The following KLF4 variants were observed in gnomAD, a reference collection of about 807,000 sequenced individuals.
KLF4 encodes the protein KLF transcription factor 4, also known as Krueppel-like factor 4.
In KLF4, 14 loss-of-function variants were observed where a neutral mutation model predicts 38.0. The observed-to-expected ratio is 0.37, with a 90% CI of 0.24 to 0.58. The LOEUF (loss-of-function observed/expected upper bound fraction) is 0.58, where lower values mean the gene tolerates loss of function less well. Ranked by LOEUF, KLF4 falls within the 20% of genes least tolerant of loss-of-function variation. KLF4 has a pLI of 0.76. For synonymous variants in KLF4, 398 were observed against 302.5 expected (o/e 1.32, Z -3.28); for missense variants, 737 against 670.1 (o/e 1.10, Z -1.10).
In KLF4 at chr9:107,488,501, G is replaced by A; in HGVS notation, c.127-234C>T. 1.1e-5 allele frequency: 8 copies of A among 702,580 alleles called. No individual in the cohort carries two copies. The highest frequency in any genetic ancestry group is 4.2e-4 in the Middle Eastern group (1 of 2,374). The allele number at this position is 702,580 out of a possible 1,614,324, so 43.5% of individuals were successfully genotyped here. A position where few individuals can be genotyped will look rare whatever the true frequency, so the allele number is the denominator to read the frequency against. On this transcript the variant is annotated intron_variant, in intron 2 of 4. Coordinates refer to ENST00000374672, the MANE Select transcript of KLF4 (RefSeq NM_004235.6). The surrounding 1 kb of genome is among the most constrained non-coding windows in gnomAD (Gnocchi z 5.7). Reference sequence around the variant, plus strand: ...ATGTCCTGTCTGCCCAATTGCGTGTGAGCGAGCGCCGCGGCTGGTCCCTCC... The same window carrying A: ...ATGTCCTGTCTGCCCAATTGCGTGTAAGCGAGCGCCGCGGCTGGTCCCTCC...
In KLF4 at chr9:107,487,899, G is replaced by A; in HGVS notation, c.495C>T (p.Gly165=). The change falls in exon 3 of 5, where the codon GGC becomes GGT. Residue 165 remains glycine (G), a synonymous_variant. Transcript: ENST00000374672. This position sits in a 1 kb window ranked among gnomAD's most constrained non-coding sequence, Gnocchi z 6.1. The part of the protein sequence containing the change: ...RAGNDPGVAP[G]GTGGGLLYGR... ...CATAGAGGAGGCCTCCGCCCGTGCC[G>A]CCCGGCGCCACGCCCGGGTCGTTCC... 1.9e-6 allele frequency: 3 copies of A among 1,561,094 alleles called. No individual in the cohort carries two copies. The highest frequency in any genetic ancestry group is 2.6e-6 in the Non-Finnish European group (3 of 1,153,830).
In KLF4 at chr9:107,485,688, T is replaced by G; in HGVS notation, c.*63A>C. 1 of 1,448,440 alleles carries G rather than the reference T, an allele frequency of 6.9e-7. No homozygotes were observed. The highest frequency in any genetic ancestry group is 2.5e-5 in the East Asian group (1 of 39,826). The allele number at this position is 1,448,440 out of a possible 1,614,324, so 89.7% of individuals were successfully genotyped here. The stretch of plus-strand genomic sequence containing the variant: ...GCTCCTTCCCTCATCGGGAAGACAG[T>G]GTGAAAAGTAAAAAATACTGAATTC... On this transcript the variant is annotated 3_prime_UTR_variant, in exon 5 of 5. Transcript: ENST00000374672. This position sits in a 1 kb window ranked among gnomAD's most constrained non-coding sequence, Gnocchi z 4.9.
rs942157730 is a variant in KLF4, at chr9:107,489,143, T to A, written c.5+25A>T. The stretch of plus-strand genomic sequence containing the variant: ...CCCACCGGTCCTCACCCCTCCCTGC[T>A]CCCAGCGCCGCGCGCCTCACCTACC... On this transcript the variant is annotated intron_variant, in intron 1 of 4. Transcript: ENST00000374672. The A allele has an allele frequency of 1.2e-5, 19 of 1,535,652 alleles. No individual in the cohort carries two copies. The Admixed American group carries it at 3.5e-4, about 28-fold the overall frequency.
In KLF4 at chr9:107,488,731, C is replaced by A. The variant is rs45556239; in HGVS notation, c.126+199G>T. On this transcript the variant is annotated intron_variant, in intron 2 of 4. Coordinates refer to ENST00000374672, the MANE Select transcript of KLF4 (RefSeq NM_004235.6). This position sits in a 1 kb window ranked among gnomAD's most constrained non-coding sequence, Gnocchi z 5.7. ...GTGAAGACCCGGCTTGCGCCCCAGG[C>A]GGCTCCGCAGTGCTCGCACCACGGG... Among the ~76,000 whole-genome samples, 63 of 152,324 alleles carry A rather than the reference C, an allele frequency of 4.1e-4. No individual in the cohort carries two copies. Among genetic ancestry groups the A allele is most frequent in the African/African-American group, 1.4e-3 (59 of 41,576 alleles).
At position 107,487,516 on chromosome 9, in the gene KLF4, G is replaced by C; in HGVS notation, c.878C>G (p.Pro293Arg). The C allele has an allele frequency of 1.3e-6, 2 of 1,549,572 alleles. No homozygotes were observed. The highest frequency in any genetic ancestry group is 1.7e-6 in the Non-Finnish European group (2 of 1,149,166). Residue 293 changes from proline (P) to arginine (R), a missense_variant, in exon 3 of 5, where the codon CCT becomes CGT. By Grantham distance (103) the Pro-to-Arg change is moderately radical. Around this residue, in one of 2 missense-constraint regions of KLF4, gnomAD observed 695 missense variants for 554.5 expected, o/e 1.25. Transcript: ENST00000374672. This position sits in a 1 kb window ranked among gnomAD's most constrained non-coding sequence, Gnocchi z 6.1. ...SSCTHLGAGP[P>R]LSNGHRPAAH... Reference sequence around the variant, plus strand: ...AGCCGGCCGGTGGCCATTGCTGAGAGGGGGTCCAGCGCCCAAGTGGGTGCA... The same window carrying C: ...AGCCGGCCGGTGGCCATTGCTGAGACGGGGTCCAGCGCCCAAGTGGGTGCA...
chr9:107,488,441 C>G lies in KLF4; in HGVS notation c.127-174G>C, dbSNP rs1460552292. 4 of 1,167,150 alleles carry G rather than the reference C, an allele frequency of 3.4e-6. No individual in the cohort carries two copies. The East Asian group carries it at 1.0e-4, about 30-fold the overall frequency. The allele number at this position is 1,167,150 out of a possible 1,614,324, so 72.3% of individuals were successfully genotyped here. A position where few individuals can be genotyped will look rare whatever the true frequency, so the allele number is the denominator to read the frequency against. On this transcript the variant is annotated intron_variant, in intron 2 of 4. Transcript: ENST00000374672. This position sits in a 1 kb window ranked among gnomAD's most constrained non-coding sequence, Gnocchi z 5.7. ...CTGCAATCTCGGCCCACTCCCGGGTCGAAGAAGAGGTGATGCGTCTGTATT... is the reference window on the plus strand; with the variant it reads ...CTGCAATCTCGGCCCACTCCCGGGTGGAAGAAGAGGTGATGCGTCTGTATT...
chr9:107,488,194 G>A lies in KLF4; in HGVS notation c.200C>T (p.Ala67Val), dbSNP rs1171656170. Residue 67 changes from alanine to valine, a missense_variant, in exon 3 of 5, where the codon GCG becomes GTG. Coordinates refer to ENST00000374672, the MANE Select transcript of KLF4 (RefSeq NM_004235.6). This position sits in a 1 kb window ranked among gnomAD's most constrained non-coding sequence, Gnocchi z 5.7. ...CTCCAGGTCTGTGGCCACGGTCGCC[G>A]CCGCCAGGTCATAGGGGCGGCCGGG... ...VLPGRPYDLA[A>V]ATVATDLESG... 9 of 1,612,022 alleles carry A rather than the reference G, an allele frequency of 5.6e-6. No individual in the cohort carries two copies. The highest frequency in any genetic ancestry group is 7.6e-6 in the Non-Finnish European group (9 of 1,179,722).
In KLF4 at chr9:107,487,230, T is replaced by G. The variant is rs553299287; in HGVS notation, c.1100-38A>C. The G allele has an allele frequency of 3.7e-6, 6 of 1,607,644 alleles. No individual in the cohort carries two copies. In the African/African-American group the frequency reaches 8.0e-5, roughly 21 times the overall value. On this transcript the variant is annotated intron_variant, in intron 3 of 4. Transcript: ENST00000374672. The surrounding 1 kb of genome is among the most constrained non-coding windows in gnomAD (Gnocchi z 6.1). Reference sequence around the variant, plus strand: ...AAGGTGGGGTGAGCATCATCCCGTGTGTCCCGAAGTGGGGCCAGCACACAC... The same window carrying G: ...AAGGTGGGGTGAGCATCATCCCGTGGGTCCCGAAGTGGGGCCAGCACACAC...
In KLF4 at chr9:107,488,812, C is replaced by A; in HGVS notation, c.126+118G>T. The A allele has an allele frequency of 7.3e-7, 1 of 1,371,236 alleles. No individual in the cohort carries two copies. Among genetic ancestry groups the A allele is most frequent in the Admixed American group, 2.5e-5 (1 of 40,742 alleles). 84.9% of individuals were successfully genotyped at this position (1,371,236 alleles called of 1,614,324 possible). On this transcript the variant is annotated intron_variant, in intron 2 of 4. Coordinates refer to ENST00000374672, the MANE Select transcript of KLF4 (RefSeq NM_004235.6). This position sits in a 1 kb window ranked among gnomAD's most constrained non-coding sequence, Gnocchi z 5.7. ...TATCCCGGGAAGGTTGCGGAGTCCG[C>A]GCGGTGGCCGCTCCTTACCCTCGTT...
Position 107,489,040 on chromosome 9 carries a change from C to G in KLF4, c.16G>C (p.Gly6Arg), listed in dbSNP as rs1444017768. The change falls in exon 2 of 5, where the codon GGC (glycine) becomes CGC (arginine). Residue 6 changes from glycine to arginine, a missense_variant. By Grantham distance (125) the Gly-to-Arg change is moderately radical. Transcript: ENST00000374672. The part of the protein sequence containing the change: MRQPP[G>R]ESDMAVSDAL... ...TCGCTGACAGCCATGTCAGACTCGC[C>G]AGGTGGCTGCCTGCGAGCAAGGCAG... The G allele has an allele frequency of 1.3e-6, 2 of 1,556,230 alleles. No homozygotes were observed. The highest frequency in any genetic ancestry group is 1.9e-5 in the Admixed American group (1 of 51,606).
chr9:107,486,893 CA>C, intron 4 of KLF4, 134 bp downstream of exon 4: 1 of 1,541,722 alleles, frequency 6.5e-7, no homozygotes, highest in Non-Finnish European at 8.8e-7. Flanking sequence ...GCCAAGGAGG[CA>C]CTGAGGAGTG....
In KLF4 at chr9:107,487,224, C is replaced by A; in HGVS notation, c.1100-32G>T. 1 of 1,609,328 alleles carries A rather than the reference C, an allele frequency of 6.2e-7. No individual in the cohort carries two copies. ...GTGAAGAAGGTGGGGTGAGCATCAT[C>A]CCGTGTGTCCCGAAGTGGGGCCAGC... On this transcript the variant is annotated intron_variant, in intron 3 of 4. Transcript: ENST00000374672. The surrounding 1 kb of genome is among the most constrained non-coding windows in gnomAD (Gnocchi z 6.1).
Position 107,487,374 on chromosome 9 carries a change from G to C in KLF4, c.1020C>G (p.Phe340Leu). ...CHPALPLPPG[F>L]HPHPGPNYPS... ...GGTAATTGGGCCCCGGGTGGGGATG[G>C]AAGCCGGGAGGAAGCGGCAGGGCAG... is the stretch of plus-strand genomic sequence containing the variant. The change falls in exon 3 of 5, where the codon TTC becomes TTG. Residue 340 changes from phenylalanine to leucine, a missense_variant. By Grantham distance (22) the Phe-to-Leu change is conservative. Transcript: ENST00000374672. This position sits in a 1 kb window ranked among gnomAD's most constrained non-coding sequence, Gnocchi z 6.1. The C allele has an allele frequency of 6.5e-7, 1 of 1,537,720 alleles. No homozygotes were observed. The highest frequency in any genetic ancestry group is 8.7e-7 in the Non-Finnish European group (1 of 1,143,662).
At chr9:107,489,130 C>T (rs1360944708) in intron 1 of KLF4, 38 bp downstream of exon 1, 1 of 1,547,416 alleles carries the variant, frequency 6.5e-7, no homozygotes, top group Non-Finnish European at 8.7e-7. Flanking sequence ...CACCGGTCCT[C>T]ACCCCTCCCT....
Position 107,488,328 on chromosome 9 carries a change from T to A in KLF4, c.127-61A>T. On this transcript the variant is annotated intron_variant, in intron 2 of 4. Coordinates refer to ENST00000374672, the MANE Select transcript of KLF4 (RefSeq NM_004235.6). This position sits in a 1 kb window ranked among gnomAD's most constrained non-coding sequence, Gnocchi z 5.7. ...GGTCCCCTGTTGCCACCCGACATAC[T>A]GACGTGCTGGCGGGCCACGCGCGAC... 6 of 1,481,424 alleles carry A rather than the reference T, an allele frequency of 4.1e-6. No homozygotes were observed. The highest frequency in any genetic ancestry group is 5.4e-6 in the Non-Finnish European group (6 of 1,120,028). The allele number at this position is 1,481,424 out of a possible 1,614,324, so 91.8% of individuals were successfully genotyped here.
rs1459911228 is a variant in KLF4 at position 107,487,709 on chromosome 9, A to T, written c.685T>A (p.Phe229Ile). Residue 229 changes from phenylalanine to isoleucine, a missense_variant, in exon 3 of 5, where the codon TTC becomes ATC. Phe to Ile is a conservative substitution (Grantham distance 21). Around this residue, in one of 2 missense-constraint regions of KLF4, gnomAD observed 695 missense variants for 554.5 expected, o/e 1.25. Coordinates refer to ENST00000374672, the MANE Select transcript of KLF4 (RefSeq NM_004235.6). The surrounding 1 kb of genome is among the most constrained non-coding windows in gnomAD (Gnocchi z 6.1). Reference protein sequence around the residue: ...QPPGGGLMGKFVLKASLSAPG... With the variant: ...QPPGGGLMGKIVLKASLSAPG... ...GCGCTCAGCGACGCCTTCAGCACGA[A>T]CTTGCCCATCAGCCCGCCACCTGGC... The T allele has an allele frequency of 6.2e-7, 1 of 1,604,244 alleles. No individual in the cohort carries two copies. The highest frequency in any genetic ancestry group is 1.1e-5 in the South Asian group (1 of 90,134).
Position 107,488,834 on chromosome 9 carries a change from C to T in KLF4, c.126+96G>A. The T allele has an allele frequency of 2.0e-6, 3 of 1,465,590 alleles. No homozygotes were observed. The highest frequency in any genetic ancestry group is 2.7e-6 in the Non-Finnish European group (3 of 1,093,166). The allele number at this position is 1,465,590 out of a possible 1,614,324, so 90.8% of individuals were successfully genotyped here. On this transcript the variant is annotated intron_variant, in intron 2 of 4. Coordinates refer to ENST00000374672, the MANE Select transcript of KLF4 (RefSeq NM_004235.6). This position sits in a 1 kb window ranked among gnomAD's most constrained non-coding sequence, Gnocchi z 5.7. ...CCGCGCGGTGGCCGCTCCTTACCCTCGTTCAGTGGCTCTTGGTGACCCCAA... is the reference window on the plus strand; with the variant it reads ...CCGCGCGGTGGCCGCTCCTTACCCTTGTTCAGTGGCTCTTGGTGACCCCAA...
Position 107,489,684 on chromosome 9 carries a change from G to A in KLF4, c.-512C>T, listed in dbSNP as rs1226590876. 1 of 208,768 alleles carries A rather than the reference G, an allele frequency of 4.8e-6. No individual in the cohort carries two copies. The highest frequency in any genetic ancestry group is 2.3e-5 in the African/African-American group (1 of 43,948). 12.9% of individuals were successfully genotyped at this position (208,768 alleles called of 1,614,324 possible). On this transcript the variant is annotated 5_prime_UTR_variant, in exon 1 of 5. Coordinates refer to ENST00000374672, the MANE Select transcript of KLF4 (RefSeq NM_004235.6). ...GAGGGGCGGGGGAGGGTCACTCGGC[G>A]GCTCCCGGTGCCGCCGCCGCCCGCC...
chr9:107,486,996 A>AC (rs767972599), intron 4 of KLF4, 32 bp downstream of exon 4: 1 of 1,613,752 alleles, frequency 6.2e-7, no homozygotes, highest in Non-Finnish European at 8.5e-7. Context: ...CTGGAAGCTA[A>AC]CCCCCCTCCC....
Sources: allele counts gnomAD v4.1 joint callset (sites outside exome capture counted in the v4.1 genomes callset), GRCh38; gene constraint gnomAD v4.1.1; regional missense constraint gnomAD v4.1.1; non-coding constraint Gnocchi (gnomAD v3.1); transcripts MANE v1.5; gene names NCBI Gene and HGNC (gene_info 2026-07-23, HGNC 2026-07-21).